The following RANBP17 variants were observed in gnomAD, a reference collection of about 807,000 sequenced individuals.
RANBP17 encodes ran-binding protein 17.
Under a neutral mutation model 141.2 loss-of-function variants are expected in RANBP17, and 158 were observed. That is an observed-to-expected ratio of 1.12 (90% CI 0.98 to 1.28). The LOEUF is 1.28. Among genes scored for constraint, RANBP17 ranks in the 50% most tolerant of loss-of-function variants. The probability of loss-of-function intolerance (pLI) is 0.00; values close to 1 mark genes in which losing one functional copy is unlikely to be tolerated. For missense variants in RANBP17, 1,438 were observed against 1,290.7 expected, an observed-to-expected ratio of 1.11 and a Z score of -1.75; for synonymous variants, 430 against 450.0, an observed-to-expected ratio of 0.96 and a Z score of 0.56.
intron 1 of RANBP17, among the ~76,000 whole-genome samples, chr5:170,870,056 T>C (rs1018726238): frequency 6.6e-6 from 1 of 152,128 alleles, no homozygotes; most frequent in Non-Finnish European, 1.5e-5. Flanking sequence ...TAGGCCTAGA[T>C]GAATGCATGC....
Position 171,272,332 on chromosome 5 carries a change from C to T in RANBP17, c.2943+6485C>T, listed in dbSNP as rs190971959. 3.9e-5 allele frequency among the ~76,000 whole-genome samples: 6 copies of T among 152,008 alleles called. No individual in the cohort carries two copies. In the South Asian group the frequency reaches 8.3e-4, roughly 21 times the overall value. On this transcript the variant is annotated intron_variant, in intron 25 of 27. Coordinates refer to ENST00000523189, the MANE Select transcript of RANBP17 (RefSeq NM_022897.5). ...ATATAACAAACCTGTACATGTACCC[C>T]GAACCTAAAATAAAAGCTTTAAAAT...
chr5:170,921,568 C>G (rs998588915), intron 11 of RANBP17, among the ~76,000 whole-genome samples: 1 of 151,730 alleles, frequency 6.6e-6, no homozygotes, highest in Non-Finnish European at 1.5e-5. Flanking sequence ...CTTGGCTATA[C>G]GGGCTCTTTT....
chr5:170,968,189 G>A, intron 13 of RANBP17, 53 bp from the exon 14 acceptor site: 1 of 1,284,992 alleles, frequency 7.8e-7, no homozygotes, highest in Non-Finnish European at 1.1e-6. Flanking sequence ...TTTTAATGTT[G>A]TTTCTCTAAG....
In RANBP17 at chr5:170,951,788, AAAAC is replaced by A. The variant is rs757961487; in HGVS notation, c.1469-1805_1469-1802del. On this transcript the variant is annotated intron_variant, in intron 12 of 27. Transcript: ENST00000523189. ...GGCTCATGGATTGAAGATTCCCAGT[AAAAC>A]AAAGGATTATGGAGTTGTGAGATTC... Among the ~76,000 whole-genome samples the A allele has an allele frequency of 7.9e-5, 12 of 152,096 alleles. 1 individual carries two copies. The highest frequency in any genetic ancestry group is 6.5e-4 in the Admixed American group (10 of 15,270).
chr5:170,924,072 A>G (rs2127445486), intron 11 of RANBP17, among the ~76,000 whole-genome samples: 1 of 150,806 alleles, frequency 6.6e-6, no homozygotes, highest in South Asian at 2.1e-4. Flanking sequence ...ATCTTAGCTC[A>G]CTGCAACCTC....
chr5:171,057,461 C>T (rs1226404247), intron 14 of RANBP17, among the ~76,000 whole-genome samples: 1 of 151,904 alleles, frequency 6.6e-6, no homozygotes, highest in Non-Finnish European at 1.5e-5. Flanking sequence ...GAAATCATTC[C>T]ATTTCAATAC....
At position 171,183,310 on chromosome 5, in the gene RANBP17, T is replaced by C; in HGVS notation, c.1930-12T>C. On this transcript the variant is annotated splice_polypyrimidine_tract_variant and intron_variant, in intron 17 of 27. Coordinates refer to ENST00000523189, the MANE Select transcript of RANBP17 (RefSeq NM_022897.5). The stretch of plus-strand genomic sequence containing the variant: ...GTGTTAGTAACTTGGATTACTCTTT[T>C]GCTTTCATTAGAGTGAACACTTCCC... 6.2e-7 allele frequency: 1 copy of C among 1,607,926 alleles called. No individual in the cohort carries two copies. Among genetic ancestry groups the C allele is most frequent in the East Asian group, 2.2e-5 (1 of 44,828 alleles).
At chr5:171,035,541 T>C (rs1208976894) in intron 14 of RANBP17, among the ~76,000 whole-genome samples, 1 of 150,876 alleles carries the variant, frequency 6.6e-6, no homozygotes, top group East Asian at 1.9e-4. Flanking sequence ...TAGAGTTTTT[T>C]TTTGTTTTGT....
At chr5:171,198,046 G>A (rs1310339145) in intron 18 of RANBP17, among the ~76,000 whole-genome samples, 3 of 152,134 alleles carry the variant, frequency 2.0e-5, no homozygotes, top group African/African-American at 7.2e-5. Context: ...CTCAAAACAA[G>A]CCAGGCAAAA....
At position 170,862,042 on chromosome 5, in the gene RANBP17, G is replaced by A. The variant is rs1561833462; in HGVS notation, c.9G>A (p.Leu3=). 1 of 1,463,340 alleles carries A rather than the reference G, an allele frequency of 6.8e-7. No individual in the cohort carries two copies. The highest frequency in any genetic ancestry group is 3.0e-5 in the East Asian group (1 of 32,980). 90.6% of individuals were successfully genotyped at this position (1,463,340 alleles called of 1,614,324 possible). A position where few individuals can be genotyped will look rare whatever the true frequency, so the allele number is the denominator to read the frequency against. Residue 3 remains leucine, a synonymous_variant, in exon 1 of 28, where the codon CTG becomes CTA. Transcript: ENST00000523189. ...CGCCGCCTCCTGGGAAGATGGCGCT[G>A]CACTTCCAGGTCAGTGTGCTCTGCG... MA[L]HFQSLAELEV...
chr5:171,055,432 A>T (rs1485552879), intron 14 of RANBP17, among the ~76,000 whole-genome samples: 1 of 152,194 alleles, frequency 6.6e-6, no homozygotes, highest in African/African-American at 2.4e-5. Context: ...TCATGGTACG[A>T]ATGATTTGTT....
At chr5:170,976,437 A>G (rs1160440733) in intron 14 of RANBP17, among the ~76,000 whole-genome samples, 2 of 152,150 alleles carry the variant, frequency 1.3e-5, no homozygotes, top group African/African-American at 4.8e-5. Context: ...GTTTAACACA[A>G]TCTCTACCAA....
In RANBP17 at chr5:171,056,298, A is replaced by G. The variant is rs111330791; in HGVS notation, c.1710+87921A>G. Among the ~76,000 whole-genome samples, 550 of 152,290 alleles carry G rather than the reference A, an allele frequency of 3.6e-3. 2 individuals are homozygous for G. Among genetic ancestry groups the G allele is most frequent in the African/African-American group, 0.013 (534 of 41,564 alleles). ...TTACCAGAAACCTGCATTCAGGAGC[A>G]CCTGTCAAAGTTCTATAGCTGACTT... On this transcript the variant is annotated intron_variant, in intron 14 of 27. Transcript: ENST00000523189.
At chr5:170,904,650 A>G (rs977591385) in intron 5 of RANBP17, among the ~76,000 whole-genome samples, 1 of 152,196 alleles carries the variant, frequency 6.6e-6, no homozygotes, top group African/African-American at 2.4e-5. Context: ...GTGAAATCCT[A>G]GTACCTGAAC....
At chr5:171,123,828 C>T (rs1756225067) in intron 14 of RANBP17, among the ~76,000 whole-genome samples, 1 of 152,200 alleles carries the variant, frequency 6.6e-6, no homozygotes, top group Non-Finnish European at 1.5e-5. Context: ...CATTACTGCA[C>T]CTCCCCAGAA....
At chr5:171,285,081 G>T (rs185850401) in intron 25 of RANBP17, among the ~76,000 whole-genome samples, 1 of 152,334 alleles carries the variant, frequency 6.6e-6, no homozygotes, top group East Asian at 1.9e-4. Flanking sequence ...TGCATGGGCT[G>T]TTCGTTCCTC....
At chr5:170,928,354 G>A (rs549616582) in intron 12 of RANBP17, among the ~76,000 whole-genome samples, 2 of 151,978 alleles carry the variant, frequency 1.3e-5, no homozygotes, top group East Asian at 3.9e-4. Context: ...TAATTTTGAT[G>A]GTCTACTTTT....
chr5:171,060,745 T>C (rs1239978436), intron 14 of RANBP17, among the ~76,000 whole-genome samples: 1 of 151,946 alleles, frequency 6.6e-6, no homozygotes, highest in Non-Finnish European at 1.5e-5. Context: ...ATGGTACCAG[T>C]TCCTCCTTGT....
At position 170,904,152 on chromosome 5, in the gene RANBP17, T is replaced by G. The variant is rs191205020; in HGVS notation, c.490-5509T>G. ...TGAAAGATTAAAACCATCTCTACAATTTGTCTCCTGAAATCAAGAAGGCTA... is the reference window on the plus strand; with the variant it reads ...TGAAAGATTAAAACCATCTCTACAAGTTGTCTCCTGAAATCAAGAAGGCTA... On this transcript the variant is annotated intron_variant, in intron 5 of 27. Coordinates refer to ENST00000523189, the MANE Select transcript of RANBP17 (RefSeq NM_022897.5). 703 of 333,914 alleles carry G rather than the reference T, an allele frequency of 2.1e-3. 5 individuals carry two copies. The Admixed American group carries it at 0.022, about 10-fold the overall frequency. The allele number at this position is 333,914 out of a possible 1,614,324, so 20.7% of individuals were successfully genotyped here.
Sources: gnomAD v4.1 joint callset for allele counts (sites outside exome capture counted in the v4.1 genomes callset) on GRCh38, gnomAD v4.1.1 for gene constraint, MANE v1.5 for transcripts, NCBI Gene and HGNC (gene_info 2026-07-23, HGNC 2026-07-21) for gene names.